The following SEMA3D variants were observed in gnomAD, a reference collection of about 807,000 sequenced individuals.
SEMA3D encodes the protein semaphorin-3D.
A neutral mutation model predicts 100.1 loss-of-function variants in SEMA3D; 84 were observed. The ratio of observed to expected loss-of-function variants is 0.84; its 90% CI spans 0.70 to 1.01. The LOEUF is 1.01. SEMA3D is among the 50% of genes least tolerant of loss of function. The pLI is 0.00. For missense variants in SEMA3D, 875 were observed against 934.1 expected, an observed-to-expected ratio of 0.94 and a Z score of 0.82; for synonymous variants, 312 against 320.7, an observed-to-expected ratio of 0.97 and a Z score of 0.29.
At chr7:85,215,490 A>G in the SEMA3D span, among the ~76,000 whole-genome samples, 1 of 152,038 alleles carries the variant, frequency 6.6e-6, no homozygotes, top group Non-Finnish European at 1.5e-5. Flanking sequence ...CCCTCCCCAA[A>G]ACAAGATCTG....
intron 1 of SEMA3D, among the ~76,000 whole-genome samples, chr7:85,162,150 T>C (rs960798114): frequency 2.0e-5 from 3 of 152,022 alleles, no homozygotes; most frequent in Admixed American, 6.6e-5. Context: ...GTTTCACAAG[T>C]AACAAAGCAA....
chr7:85,069,300 G>A (rs568473561), intron 6 of SEMA3D, among the ~76,000 whole-genome samples: 12 of 152,132 alleles, frequency 7.9e-5, no homozygotes, highest in African/African-American at 2.9e-4. Context: ...TTTTGAACAA[G>A]ACCAATAGTA....
Position 85,042,846 on chromosome 7 carries a change from G to T in SEMA3D, c.862-561C>A, listed in dbSNP as rs371527465. Among the ~76,000 whole-genome samples the T allele has an allele frequency of 7.9e-5, 12 of 152,102 alleles. No individual in the cohort carries two copies. The East Asian group carries it at 1.5e-3, about 20-fold the overall frequency. On this transcript the variant is annotated intron_variant, in intron 9 of 18. Coordinates refer to ENST00000284136, the MANE Select transcript of SEMA3D (RefSeq NM_001384900.1). ...ATACCACTGAACCCAGCTGAAATAT[G>T]GTTGGTTTGATGAGTAAATGGGGAA...
chr7:85,097,101 T>C (rs1788582533), intron 4 of SEMA3D, among the ~76,000 whole-genome samples: 1 of 151,836 alleles, frequency 6.6e-6, no homozygotes, highest in Non-Finnish European at 1.5e-5. Flanking sequence ...TAGATATTGA[T>C]ATTTGCTAAA....
At chr7:85,060,543 C>T (rs1354626250) in intron 8 of SEMA3D, among the ~76,000 whole-genome samples, 2 of 151,890 alleles carry the variant, frequency 1.3e-5, no homozygotes, top group African/African-American at 2.4e-5. Flanking sequence ...GAGTACATGC[C>T]CCAGTAGGAA....
chr7:84,996,410 A>T lies in SEMA3D; in HGVS notation c.*3030T>A, dbSNP rs894430457. The T allele has an allele frequency of 3.9e-5, 6 of 152,038 alleles. No individual in the cohort carries two copies. The highest frequency in any genetic ancestry group is 5.9e-5 in the Non-Finnish European group (4 of 67,874). The allele number at this position is 152,038 out of a possible 1,614,324, so 9.4% of individuals were successfully genotyped here. A position where few individuals can be genotyped will look rare whatever the true frequency, so the allele number is the denominator to read the frequency against. ...GCCAACAGAATGATGAGACTTTATG[A>T]ATTTTAATTCTTCCACTACTGTTGT... On this transcript the variant is annotated 3_prime_UTR_variant, in exon 19 of 19. Coordinates refer to ENST00000284136, the MANE Select transcript of SEMA3D (RefSeq NM_001384900.1).
chr7:85,192,685 T>C, the SEMA3D span, among the ~76,000 whole-genome samples: 1 of 152,194 alleles, frequency 6.6e-6, no homozygotes, highest in Non-Finnish European at 1.5e-5. Flanking sequence ...ACTGATGTAC[T>C]TTCATTAGAA....
the SEMA3D span, among the ~76,000 whole-genome samples, chr7:85,198,833 C>T: frequency 7.6e-6 from 1 of 131,704 alleles, no homozygotes. Context: ...CTTTTTGCTC[C>T]TTTTTTTTTT....
At chr7:85,185,091 G>A (rs1035545066) in intron 1 of SEMA3D, among the ~76,000 whole-genome samples, 1 of 149,106 alleles carries the variant, frequency 6.7e-6, no homozygotes, top group East Asian at 2.0e-4. Context: ...AAAGGAGAAG[G>A]AAAAGGAGAA....
At chr7:85,058,747 C>CAAAAA (rs67267318) in intron 8 of SEMA3D, among the ~76,000 whole-genome samples, 35 of 64,192 alleles carry the variant, frequency 5.5e-4, no homozygotes, top group Middle Eastern at 8.2e-3. Flanking sequence ...GACTCCACTA[C>CAAAAA]AAAAAAAAAA....
At chr7:85,063,794 A>G (rs943934269) in intron 8 of SEMA3D, among the ~76,000 whole-genome samples, 1 of 152,150 alleles carries the variant, frequency 6.6e-6, no homozygotes, top group African/African-American at 2.4e-5. Context: ...GTAAGCCATC[A>G]TGGTTTCAAG....
chr7:85,050,089 AC>A (rs1343407459), intron 9 of SEMA3D, among the ~76,000 whole-genome samples: 2 of 148,712 alleles, frequency 1.3e-5, no homozygotes, highest in African/African-American at 5.1e-5. Context: ...ACACACACAC[AC>A]ACACACACAC....
At chr7:85,202,579 C>T in the SEMA3D span, among the ~76,000 whole-genome samples, 44 of 151,920 alleles carry the variant, frequency 2.9e-4, no homozygotes, top group Non-Finnish European at 5.1e-4. Flanking sequence ...AGAAAATTTT[C>T]GCAACCTACT....
chr7:85,143,241 T>C (rs778004026), intron 2 of SEMA3D: 2 of 623,000 alleles, frequency 3.2e-6, no homozygotes, highest in Non-Finnish European at 4.0e-6. Context: ...AAGTAAATGT[T>C]AATACTTTTA....
At chr7:85,211,881 A>G in the SEMA3D span, among the ~76,000 whole-genome samples, 1 of 152,172 alleles carries the variant, frequency 6.6e-6, no homozygotes, top group Admixed American at 6.6e-5. Context: ...TTATTATAGG[A>G]ATATAGTATA....
At chr7:85,234,447 T>C in the SEMA3D span, among the ~76,000 whole-genome samples, 2 of 152,106 alleles carry the variant, frequency 1.3e-5, no homozygotes, top group Non-Finnish European at 2.9e-5. Flanking sequence ...AGCAGAGCCA[T>C]TGAGAGAGAA....
At chr7:85,128,240 T>C (rs1001258887) in intron 2 of SEMA3D, among the ~76,000 whole-genome samples, 9 of 152,084 alleles carry the variant, frequency 5.9e-5, no homozygotes, top group African/African-American at 1.9e-4. Flanking sequence ...CAATATCTGC[T>C]CACTGCAAGT....
intron 2 of SEMA3D, among the ~76,000 whole-genome samples, chr7:85,124,628 A>G (rs1361456568): frequency 6.6e-6 from 1 of 152,104 alleles, no homozygotes; most frequent in Non-Finnish European, 1.5e-5. Flanking sequence ...ACTTTCATGG[A>G]GGACAGAGAA....
intron 8 of SEMA3D, among the ~76,000 whole-genome samples, chr7:85,058,703 G>T (rs1378589955): frequency 7.1e-6 from 1 of 140,174 alleles, no homozygotes; most frequent in Non-Finnish European, 1.5e-5. Flanking sequence ...AGACAAGATT[G>T]TGCCACTGCA....
Sources: gnomAD v4.1 joint callset for allele counts (sites outside exome capture counted in the v4.1 genomes callset) on GRCh38, gnomAD v4.1.1 for gene constraint, MANE v1.5 for transcripts, NCBI Gene and HGNC (gene_info 2026-07-23, HGNC 2026-07-21) for gene names.